Variants in HHAT observed in about 807,000 individuals in gnomAD.
HHAT encodes hedgehog acyltransferase.
Under a neutral mutation model 70.8 loss-of-function variants are expected in HHAT, and 47 were observed. That is an observed-to-expected ratio of 0.66 (90% CI 0.53 to 0.85). HHAT has a LOEUF of 0.85. HHAT is among the 40% of genes least tolerant of loss of function. The probability of loss-of-function intolerance (pLI) is 0.00; values close to 1 mark genes in which losing one functional copy is unlikely to be tolerated. For synonymous variants in HHAT, 228 were observed against 247.6 expected, an observed-to-expected ratio of 0.92 and a Z score of 0.74; for missense variants, 609 against 604.8, an observed-to-expected ratio of 1.01 and a Z score of -0.07.
chr1:210,441,893 A>G (rs989400640), intron 7 of HHAT, among the ~76,000 whole-genome samples: 1 of 151,920 alleles, frequency 6.6e-6, no homozygotes, highest in Non-Finnish European at 1.5e-5. Context: ...GTACATGTGC[A>G]CATTGTGCAG....
At chr1:210,376,517 T>C (rs746319797) in intron 3 of HHAT, among the ~76,000 whole-genome samples, 34 of 152,220 alleles carry the variant, frequency 2.2e-4, no homozygotes, top group Non-Finnish European at 4.1e-4. Flanking sequence ...AGTTATTTTA[T>C]TAATACGCAA....
At chr1:210,666,120 A>T (rs1287623535) in intron 11 of HHAT, among the ~76,000 whole-genome samples, 3 of 152,236 alleles carry the variant, frequency 2.0e-5, no homozygotes, top group Non-Finnish European at 4.4e-5. Flanking sequence ...TCTTTGAAAC[A>T]GCCCTGTTAG....
chr1:210,452,246 C>T (rs1337028519), intron 7 of HHAT, among the ~76,000 whole-genome samples: 1 of 152,190 alleles, frequency 6.6e-6, no homozygotes, highest in African/African-American at 2.4e-5. Flanking sequence ...GCTTTCTATG[C>T]ACAAAGGCTG....
chr1:210,466,231 C>T (rs2148445993), intron 8 of HHAT, among the ~76,000 whole-genome samples: 1 of 152,314 alleles, frequency 6.6e-6, no homozygotes, highest in East Asian at 1.9e-4. Flanking sequence ...GAAAGAAACC[C>T]TTCAAAAGGT....
rs557144727 is a variant in HHAT at position 210,465,458 on chromosome 1, C to A, written c.1007+803C>A. ...AAACCTAATGGAAGAACCTCAGGGTCAGCACTGGCACAACCATAGGAGTCG... is the reference window on the plus strand; with the variant it reads ...AAACCTAATGGAAGAACCTCAGGGTAAGCACTGGCACAACCATAGGAGTCG... On this transcript the variant is annotated intron_variant, in intron 8 of 11. Coordinates refer to ENST00000261458, the MANE Select transcript of HHAT (RefSeq NM_018194.6). Among the ~76,000 whole-genome samples the A allele has an allele frequency of 5.9e-5, 9 of 152,318 alleles. No homozygotes were observed. In the East Asian group the frequency reaches 1.7e-3, roughly 29 times the overall value.
chr1:210,637,293 T>C (rs1672055373), intron 11 of HHAT, among the ~76,000 whole-genome samples: 2 of 152,180 alleles, frequency 1.3e-5, no homozygotes, highest in African/African-American at 4.8e-5. Context: ...GACCAAAATG[T>C]AAGAGCCAAA....
At chr1:210,434,294 G>A (rs554622729) in intron 7 of HHAT, among the ~76,000 whole-genome samples, 220 of 151,892 alleles carry the variant, frequency 1.4e-3, no homozygotes, top group Non-Finnish European at 3.0e-3. Flanking sequence ...TAGTTTGGGG[G>A]AAATTTTAAA....
At chr1:210,658,042 T>C (rs1676820012) in intron 11 of HHAT, among the ~76,000 whole-genome samples, 1 of 152,218 alleles carries the variant, frequency 6.6e-6, no homozygotes, top group Non-Finnish European at 1.5e-5. Flanking sequence ...CCTGTGTTCC[T>C]TCAGTCTCGT....
intron 2 of HHAT, among the ~76,000 whole-genome samples, chr1:210,359,049 G>T (rs2087961395): frequency 6.6e-6 from 1 of 152,166 alleles, no homozygotes; most frequent in Admixed American, 6.5e-5. Flanking sequence ...ATGCTCTCAG[G>T]CAGTTTTGTG....
chr1:210,500,684 G>A (rs901395102), intron 8 of HHAT, among the ~76,000 whole-genome samples: 3 of 152,228 alleles, frequency 2.0e-5, no homozygotes, highest in African/African-American at 4.8e-5. Flanking sequence ...CATTAGGGAT[G>A]TAGACTTCTC....
intron 8 of HHAT, among the ~76,000 whole-genome samples, chr1:210,497,822 G>A (rs1324519632): frequency 2.7e-5 from 4 of 150,824 alleles, no homozygotes; most frequent in Non-Finnish European, 2.9e-5. Context: ...CTGGAGTGCA[G>A]TGGCGCAATC....
At chr1:210,430,450 T>TA (rs1166891653) in intron 7 of HHAT, among the ~76,000 whole-genome samples, 1 of 151,934 alleles carries the variant, frequency 6.6e-6, no homozygotes, top group Non-Finnish European at 1.5e-5. Flanking sequence ...ATGAGTTTTA[T>TA]AAAATGTGAG....
intron 7 of HHAT, among the ~76,000 whole-genome samples, chr1:210,447,249 G>C (rs2093653752): frequency 6.6e-6 from 1 of 152,176 alleles, no homozygotes; most frequent in Non-Finnish European, 1.5e-5. Context: ...AGGAATAGCT[G>C]TGACAGTAGA....
intron 6 of HHAT, among the ~76,000 whole-genome samples, chr1:210,416,211 C>T (rs530418754): frequency 6.6e-6 from 1 of 152,350 alleles, no homozygotes; most frequent in East Asian, 1.9e-4. Flanking sequence ...TGCCACTCTC[C>T]TGGCTGCAGA....
At chr1:210,560,981 C>T (rs917927194) in intron 9 of HHAT, among the ~76,000 whole-genome samples, 8 of 151,982 alleles carry the variant, frequency 5.3e-5, no homozygotes, top group African/African-American at 7.3e-5. Flanking sequence ...ATCACTGAGG[C>T]CAGTATCTAT....
At chr1:210,485,900 T>C (rs1215208534) in intron 8 of HHAT, among the ~76,000 whole-genome samples, 3 of 152,172 alleles carry the variant, frequency 2.0e-5, no homozygotes, top group Non-Finnish European at 4.4e-5. Context: ...TCAGACTGTA[T>C]GCCCTGTGTT....
rs185933326 is a variant in HHAT, at chr1:210,489,761, T to C, written c.1008-23392T>C. ...AATCTGGGAAAACTGCCCATGACCT[T>C]CTTAAGCAGAGCACATACCTTTGGA... On this transcript the variant is annotated intron_variant, in intron 8 of 11. Coordinates refer to ENST00000261458, the MANE Select transcript of HHAT (RefSeq NM_018194.6). 5.9e-5 allele frequency among the ~76,000 whole-genome samples: 9 copies of C among 152,318 alleles called. No individual in the cohort carries two copies. The East Asian group carries it at 1.7e-3, about 29-fold the overall frequency.
At chr1:210,654,153 A>G (rs1675864214) in intron 11 of HHAT, among the ~76,000 whole-genome samples, 2 of 72,194 alleles carry the variant, frequency 2.8e-5, no homozygotes, top group African/African-American at 1.1e-4. Context: ...ATAGTGTGAC[A>G]GTGGAATAGT....
chr1:210,662,355 CA>C (rs1234100821), intron 11 of HHAT, among the ~76,000 whole-genome samples: 43,088 of 152,092 alleles, frequency 0.28, 6,606 homozygotes, highest in East Asian at 0.38. Context: ...GAGCGGTTGT[CA>C]GGGGTGTCTG....
Sources: gnomAD v4.1 joint callset for allele counts (sites outside exome capture counted in the v4.1 genomes callset) on GRCh38, gnomAD v4.1.1 for gene constraint, MANE v1.5 for transcripts, NCBI Gene and HGNC (gene_info 2026-07-23, HGNC 2026-07-21) for gene names.